Variants in ENTPD5 observed in about 807,000 individuals in gnomAD.
The protein encoded by ENTPD5 is nucleoside diphosphate phosphatase ENTPD5.
A neutral mutation model predicts 60.2 loss-of-function variants in ENTPD5; 49 were observed. The ratio of observed to expected loss-of-function variants is 0.81; its 90% CI spans 0.65 to 1.03. The LOEUF (loss-of-function observed/expected upper bound fraction) is 1.03. ENTPD5 is among the 50% of genes least tolerant of loss of function. ENTPD5 has a pLI of 0.00. For synonymous variants in ENTPD5, 187 were observed against 185.4 expected, an observed-to-expected ratio of 1.01 and a Z score of -0.07; for missense variants, 480 against 507.6, an observed-to-expected ratio of 0.95 and a Z score of 0.52.
intron 10 of ENTPD5, among the ~76,000 whole-genome samples, 200 bp from the exon 11 acceptor site, chr14:73,975,185 C>T (rs2057388975): frequency 6.6e-6 from 1 of 152,040 alleles, no homozygotes; most frequent in Admixed American, 6.6e-5. Flanking sequence ...TAAGAATTCC[C>T]CACAGTTATC....
chr14:73,985,901 G>A (rs922493284), intron 5 of ENTPD5, among the ~76,000 whole-genome samples: 4 of 151,754 alleles, frequency 2.6e-5, no homozygotes, highest in Admixed American at 6.6e-5. Flanking sequence ...GTGAAACCCC[G>A]TCTCTACTAA....
intron 5 of ENTPD5, 140 bp downstream of exon 5, chr14:73,986,674 G>A (rs2057913861): frequency 3.0e-6 from 2 of 677,100 alleles, no homozygotes; most frequent in Admixed American, 2.6e-5. Flanking sequence ...ATTTTATCCA[G>A]GAGATTAGCT....
chr14:74,014,242 T>C (rs188413938), intron 2 of ENTPD5, among the ~76,000 whole-genome samples: 1 of 152,150 alleles, frequency 6.6e-6, no homozygotes, highest in Non-Finnish European at 1.5e-5. Flanking sequence ...AAGTTCAGCC[T>C]GGACAACATA....
Position 74,012,173 on chromosome 14 carries a change from C to T in ENTPD5, c.-130-1023G>A, listed in dbSNP as rs1027831517. Among the ~76,000 whole-genome samples the T allele has an allele frequency of 2.0e-5, 3 of 152,210 alleles. No individual in the cohort carries two copies. The East Asian group carries it at 5.8e-4, about 29-fold the overall frequency. On this transcript the variant is annotated intron_variant, in intron 2 of 15. Transcript: ENST00000334696. ...AGGCTGGAGTGCAATGGCATGATCT[C>T]GGCTCACTGCAACCTCCGCCTCCTG...
At chr14:73,976,218 G>C in intron 9 of ENTPD5, 106 bp downstream of exon 9, 1 of 998,442 alleles carries the variant, frequency 1.0e-6, no homozygotes, top group South Asian at 1.4e-5. Flanking sequence ...ACTTGACTCT[G>C]CCTAAGCGTG....
rs149732509 is a variant in ENTPD5, at chr14:73,990,313, C to T, written c.-70-2141G>A. ...ATTTTCCCTTTAGAACATAAATATC[C>T]GTTTCTCCCTCCCTCTTTTCTGACT... On this transcript the variant is annotated intron_variant, in intron 3 of 15. Transcript: ENST00000334696. 7.2e-4 allele frequency among the ~76,000 whole-genome samples: 109 copies of T among 152,052 alleles called. 2 individuals carry two copies. In the East Asian group the frequency reaches 0.018, roughly 25 times the overall value.
chr14:73,980,269 CT>C (rs1358773565), intron 6 of ENTPD5, among the ~76,000 whole-genome samples: 427 of 132,462 alleles, frequency 3.2e-3, no homozygotes, highest in East Asian at 0.021. Context: ...CAGTTTCAAT[CT>C]TTTTTTTTTT....
intron 6 of ENTPD5, among the ~76,000 whole-genome samples, chr14:73,979,245 C>T (rs1421623519): frequency 2.0e-5 from 3 of 152,022 alleles, no homozygotes; most frequent in Non-Finnish European, 2.9e-5. Flanking sequence ...ATAGCATTTC[C>T]CCCACACTAT....
At chr14:73,967,055 T>G in intron 15 of ENTPD5, 41 bp from the exon 16 acceptor site, 2 of 1,552,850 alleles carry the variant, frequency 1.3e-6, no homozygotes, top group Non-Finnish European at 1.8e-6. Context: ...TCATCCAGTT[T>G]CCAACTCTAG....
rs1182650426 is a variant in ENTPD5 at position 73,963,342 on chromosome 14, G to C, written c.*3586C>G. The C allele has an allele frequency of 4.8e-6, 2 of 416,948 alleles. No individual in the cohort carries two copies. The highest frequency in any genetic ancestry group is 4.2e-6 in the Non-Finnish European group (1 of 236,200). 25.8% of individuals were successfully genotyped at this position (416,948 alleles called of 1,614,324 possible). ...TACATTTTGTTTTTGTTTTAATGTTGGTCATAAATTTATACAGTTGTTTTT... is the reference window on the plus strand; with the variant it reads ...TACATTTTGTTTTTGTTTTAATGTTCGTCATAAATTTATACAGTTGTTTTT... On this transcript the variant is annotated 3_prime_UTR_variant, in exon 16 of 16. Transcript: ENST00000334696.
chr14:73,990,831 C>T (rs2058099563), intron 3 of ENTPD5, among the ~76,000 whole-genome samples: 1 of 151,224 alleles, frequency 6.6e-6, no homozygotes, highest in Non-Finnish European at 1.5e-5. Flanking sequence ...GAGTTCGAGA[C>T]CAGCATGACC....
At chr14:73,959,044 A>C (rs1446126959), downstream of ENTPD5, 1 of 1,614,196 alleles carries the variant, frequency 6.2e-7, no homozygotes, top group East Asian at 2.2e-5. Context: ...AACTATGACC[A>C]GTCTGCTGTT....
intron 3 of ENTPD5, among the ~76,000 whole-genome samples, chr14:73,992,683 CA>C (rs199594365): frequency 5.0e-3 from 316 of 62,788 alleles, no homozygotes; most frequent in African/African-American, 5.8e-3. Flanking sequence ...GACTCCGTCT[CA>C]AAAAAAAAAA....
At chr14:73,987,528 C>T (rs994077460) in intron 4 of ENTPD5, among the ~76,000 whole-genome samples, 9 of 151,928 alleles carry the variant, frequency 5.9e-5, no homozygotes, top group Non-Finnish European at 1.3e-4. Flanking sequence ...TAAAAATGAG[C>T]TGGGCATGGT....
chr14:73,987,531 G>C (rs1308994375), intron 4 of ENTPD5, among the ~76,000 whole-genome samples: 1 of 151,908 alleles, frequency 6.6e-6, no homozygotes, highest in Non-Finnish European at 1.5e-5. Context: ...AAATGAGCTG[G>C]GCATGGTGGC....
In ENTPD5 at chr14:73,964,178, A is replaced by C. The variant is rs2056877794; in HGVS notation, c.*2750T>G. 1 of 152,138 alleles carries C rather than the reference A, an allele frequency of 6.6e-6. No homozygotes were observed. Among genetic ancestry groups the C allele is most frequent in the Non-Finnish European group, 1.5e-5 (1 of 68,028 alleles). 9.4% of individuals were successfully genotyped at this position (152,138 alleles called of 1,614,324 possible). On this transcript the variant is annotated 3_prime_UTR_variant, in exon 16 of 16. Transcript: ENST00000334696. ...GGCAAGATGAAGAATTTTAAGGCACACCTCCATTGGCCCACAGAGAGTGTT... is the reference window on the plus strand; with the variant it reads ...GGCAAGATGAAGAATTTTAAGGCACCCCTCCATTGGCCCACAGAGAGTGTT...
rs144131209 is a variant in ENTPD5, at chr14:74,013,418, T to C, written c.-130-2268A>G. Among the ~76,000 whole-genome samples the C allele has an allele frequency of 6.1e-3, 924 of 152,328 alleles. 31 individuals carry two copies. The highest frequency in any genetic ancestry group is 0.038 in the Admixed American group (586 of 15,288). ...CAAAACCCACAGCCCATGGGCCGCA[T>C]GTAGCCCAGGATGGTTTTGAATGCA... On this transcript the variant is annotated intron_variant, in intron 2 of 15. Transcript: ENST00000334696.
chr14:73,975,507 T>C lies in ENTPD5; in HGVS notation c.722+429A>G, dbSNP rs140327042. Among the ~76,000 whole-genome samples the C allele has an allele frequency of 8.8e-3, 1,329 of 151,262 alleles. 13 individuals are homozygous for C. Among genetic ancestry groups the C allele is most frequent in the African/African-American group, 0.031 (1,272 of 41,166 alleles). On this transcript the variant is annotated intron_variant, in intron 10 of 15. Coordinates refer to ENST00000334696, the MANE Select transcript of ENTPD5 (RefSeq NM_001249.5). ...GCAATCTCCGCCTCCAGGGTTCAAA[T>C]GATTCTCCTGCCTCAGCCTCCTGAA...
At chr14:73,987,012 G>A (rs2057929377) in intron 4 of ENTPD5, 119 bp from the exon 5 acceptor site, 4 of 775,642 alleles carry the variant, frequency 5.2e-6, no homozygotes, top group Admixed American at 2.0e-5. Context: ...TATCCCAAAT[G>A]ATCCTAGTTG....
Sources: allele counts gnomAD v4.1 joint callset (sites outside exome capture counted in the v4.1 genomes callset), GRCh38; gene constraint gnomAD v4.1.1; transcripts MANE v1.5; gene names NCBI Gene and HGNC (gene_info 2026-07-23, HGNC 2026-07-21).